Variants in ABCC1 observed in about 807,000 individuals in gnomAD.
ABCC1 encodes ATP binding cassette subfamily C member 1 (ABCC1 blood group), also known as multidrug resistance-associated protein 1.
In ABCC1, 83 loss-of-function variants were observed where a neutral mutation model predicts 172.9. That is an observed-to-expected ratio of 0.48 (90% CI 0.40 to 0.58). The LOEUF is 0.58. Among genes scored for constraint, ABCC1 ranks in the 20% least tolerant of loss-of-function variants. ABCC1 has a pLI of 0.00. For synonymous variants in ABCC1, 937 were observed against 825.2 expected (o/e 1.14, Z -2.32); for missense variants, 1,817 against 2,002.7 (o/e 0.91, Z 1.77).
intron 7 of ABCC1, among the ~76,000 whole-genome samples, chr16:16,039,547 G>A (rs1198876317): frequency 6.6e-6 from 1 of 152,006 alleles, no homozygotes; most frequent in Non-Finnish European, 1.5e-5. Flanking sequence ...GGGATTACAG[G>A]CATGAGCTAC....
Position 16,065,226 on chromosome 16 carries a change from C to T in ABCC1, c.1678-2930C>T, listed in dbSNP as rs77923568. ...ATCTGAGTCAGCACTTTGACTTCTACACTGAAAAATAGGTTGACTTTGGAG... is the reference window on the plus strand; with the variant it reads ...ATCTGAGTCAGCACTTTGACTTCTATACTGAAAAATAGGTTGACTTTGGAG... On this transcript the variant is annotated intron_variant, in intron 12 of 30. Coordinates refer to ENST00000399410, the MANE Select transcript of ABCC1 (RefSeq NM_004996.4). 2.8e-4 allele frequency among the ~76,000 whole-genome samples: 43 copies of T among 152,262 alleles called. No homozygotes were observed. In the East Asian group the frequency reaches 7.5e-3, roughly 27 times the overall value.
At chr16:16,122,342 G>A (rs45491893) in intron 24 of ABCC1, among the ~76,000 whole-genome samples, 168 bp downstream of exon 24, 7 of 152,188 alleles carry the variant, frequency 4.6e-5, no homozygotes, top group Non-Finnish European at 8.8e-5. Context: ...ATCATTAAGA[G>A]CAGACAGCGG....
rs2046178908 is a variant in ABCC1 at position 16,142,915 on chromosome 16, T to C, written c.*1634T>C. On this transcript the variant is annotated 3_prime_UTR_variant, in exon 31 of 31. Transcript: ENST00000399410. ...TCAAACCCAGAGAGCATCTTTCTTT[T>C]AGGCGAAAACGCATATATTTATTTT... The C allele has an allele frequency of 6.6e-6, 1 of 152,656 alleles. No homozygotes were observed. The highest frequency in any genetic ancestry group is 2.4e-5 in the African/African-American group (1 of 41,458). The allele number at this position is 152,656 out of a possible 1,614,324, so 9.5% of individuals were successfully genotyped here.
At chr16:16,071,081 A>G (rs45571042) in intron 13 of ABCC1, among the ~76,000 whole-genome samples, 13,306 of 150,930 alleles carry the variant, frequency 0.088, 618 homozygotes, top group East Asian at 0.12. Context: ...TTTTATTTTT[A>G]TTTTTATTTA....
At chr16:16,050,951 T>C (rs1408098760) in intron 10 of ABCC1, among the ~76,000 whole-genome samples, 2 of 152,046 alleles carry the variant, frequency 1.3e-5, no homozygotes, top group African/African-American at 2.4e-5. Flanking sequence ...AGCAGGTGTC[T>C]TGGGGAGTCC....
intron 1 of ABCC1, among the ~76,000 whole-genome samples, chr16:15,999,196 A>G (rs552047821): frequency 3.9e-4 from 59 of 152,118 alleles, no homozygotes; most frequent in South Asian, 2.1e-3. Flanking sequence ...TAGTAGAGAC[A>G]GGGTTTCACC....
At chr16:15,964,587 C>G (rs570792462) in intron 1 of ABCC1, among the ~76,000 whole-genome samples, 2 of 151,756 alleles carry the variant, frequency 1.3e-5, no homozygotes, top group East Asian at 3.9e-4. Flanking sequence ...TGTATTTTTT[C>G]TTTGAAATTT....
rs767116346 is a variant in ABCC1, at chr16:16,079,487, AG to A, written c.2115+11del. On this transcript the variant is annotated intron_variant, in intron 16 of 30. Coordinates refer to ENST00000399410, the MANE Select transcript of ABCC1 (RefSeq NM_004996.4). ...GGCACGTGGCTATCAAGGTAGGATGAGGACCAGCGGGGAGGGGCAGTGGGGA... is the reference window on the plus strand; with the variant it reads ...GGCACGTGGCTATCAAGGTAGGATGAGACCAGCGGGGAGGGGCAGTGGGGA... The A allele has an allele frequency of 2.6e-5, 42 of 1,606,886 alleles. No homozygotes were observed. Among genetic ancestry groups the A allele is most frequent in the Non-Finnish European group, 3.6e-5 (42 of 1,174,282 alleles).
At chr16:15,955,965 G>A (rs1381737765) in intron 1 of ABCC1, among the ~76,000 whole-genome samples, 1 of 152,096 alleles carries the variant, frequency 6.6e-6, no homozygotes, top group African/African-American at 2.4e-5. Context: ...TGAAAATTTA[G>A]GATGCAGCGC....
At chr16:16,113,064 G>C (rs548698646) in intron 22 of ABCC1, among the ~76,000 whole-genome samples, 1 of 152,160 alleles carries the variant, frequency 6.6e-6, no homozygotes, top group African/African-American at 2.4e-5. Flanking sequence ...CACACAGTGC[G>C]CTCCTGTGGA....
intron 16 of ABCC1, among the ~76,000 whole-genome samples, chr16:16,080,013 A>T (rs1567380762): frequency 6.6e-6 from 1 of 151,962 alleles, no homozygotes; most frequent in Non-Finnish European, 1.5e-5. Flanking sequence ...GTGTTTTACC[A>T]TGTTGGCCAG....
rs952680678 is a variant in ABCC1, at chr16:16,102,694, C to T, written c.2712C>T (p.Asp904=). 2 of 1,586,114 alleles carry T rather than the reference C, an allele frequency of 1.3e-6. No individual in the cohort carries two copies. Among genetic ancestry groups the T allele is most frequent in the Non-Finnish European group, 8.6e-7 (1 of 1,166,018 alleles). The change falls in exon 20 of 31, where the codon GAC becomes GAT. Residue 904 remains aspartate, a synonymous_variant. Transcript: ENST00000399410. ...KQMENGMLVT[D]SAGKQLQRQL... ...TGGAGAATGGCATGCTGGTGACGGACAGTGCAGGGAAGCAACTGCAGAGGT... is the reference window on the plus strand; with the variant it reads ...TGGAGAATGGCATGCTGGTGACGGATAGTGCAGGGAAGCAACTGCAGAGGT...
chr16:16,056,061 C>G, intron 11 of ABCC1, 31 bp from the exon 12 acceptor site: 1 of 1,609,424 alleles, frequency 6.2e-7, no homozygotes, highest in Non-Finnish European at 8.5e-7. Flanking sequence ...CAGGGTCGCC[C>G]CAGATGTGTT....
intron 1 of ABCC1, among the ~76,000 whole-genome samples, chr16:15,980,663 A>G (rs1210058487): frequency 6.6e-6 from 1 of 152,164 alleles, no homozygotes; most frequent in Non-Finnish European, 1.5e-5. Flanking sequence ...TGAGAACTAC[A>G]ATTCAAGATA....
At chr16:15,951,833 G>C (rs1303598185) in intron 1 of ABCC1, among the ~76,000 whole-genome samples, 1 of 152,118 alleles carries the variant, frequency 6.6e-6, no homozygotes, top group Non-Finnish European at 1.5e-5. Flanking sequence ...GGGACTATAG[G>C]CGTGTGCCAC....
chr16:16,031,473 C>G (rs2048555715), intron 5 of ABCC1, among the ~76,000 whole-genome samples: 1 of 152,160 alleles, frequency 6.6e-6, no homozygotes, highest in African/African-American at 2.4e-5. Flanking sequence ...GAAATGAGTT[C>G]TTTGATAGCT....
intron 9 of ABCC1, among the ~76,000 whole-genome samples, chr16:16,046,701 A>G (rs533985216): frequency 7.9e-5 from 12 of 152,022 alleles, no homozygotes; most frequent in Admixed American, 2.6e-4. Context: ...TGGTAAGAGT[A>G]TGTAGCAGGC....
chr16:16,126,995 A>G (rs1022538106), intron 26 of ABCC1, among the ~76,000 whole-genome samples: 2 of 152,146 alleles, frequency 1.3e-5, no homozygotes, highest in Admixed American at 6.6e-5. Flanking sequence ...AGCTGGGACT[A>G]GGACCCGTGC....
Position 16,044,470 on chromosome 16 carries a change from A to C in ABCC1, c.830A>C (p.Tyr277Ser). 6.2e-7 allele frequency: 1 copy of C among 1,614,016 alleles called. No individual in the cohort carries two copies. The highest frequency in any genetic ancestry group is 8.5e-7 in the Non-Finnish European group (1 of 1,179,996). ...TCCAGGCAGCCGGTGAAGGTTGTGT[A>C]CTCCTCCAAGGATCCTGCCCAGCCG... Reference protein sequence around the residue: ...KTRKQPVKVVYSSKDPAQPKE... With the variant: ...KTRKQPVKVVSSSKDPAQPKE... The change falls in exon 8 of 31, where the codon TAC becomes TCC. Residue 277 changes from tyrosine (Y) to serine (S), a missense_variant. This residue lies in a region of ABCC1 where 398 missense variants were observed against 384.2 expected (regional missense o/e 1.04). Coordinates refer to ENST00000399410, the MANE Select transcript of ABCC1 (RefSeq NM_004996.4).
Sources: allele counts gnomAD v4.1 joint callset (sites outside exome capture counted in the v4.1 genomes callset), GRCh38; gene constraint gnomAD v4.1.1; regional missense constraint gnomAD v4.1.1; transcripts MANE v1.5; gene names NCBI Gene and HGNC (gene_info 2026-07-23, HGNC 2026-07-21).